Variants in DCHS2 observed in about 807,000 individuals in gnomAD.
The protein encoded by DCHS2 is dachsous cadherin-related 2.
In DCHS2, 142 loss-of-function variants were observed where a neutral mutation model predicts 182.4. That is an observed-to-expected ratio of 0.78 (90% CI 0.68 to 0.89). DCHS2 has a LOEUF of 0.89. Ranked by LOEUF, DCHS2 falls within the 40% of genes least tolerant of loss-of-function variation. The pLI is 0.00. For synonymous variants in DCHS2, 1,740 were observed against 1,663.3 expected (o/e 1.05, Z -1.12); for missense variants, 4,319 against 4,198.6 (o/e 1.03, Z -0.79).
Position 154,390,502 on chromosome 4 carries a change from TCA to T in DCHS2, c.2053-13060_2053-13059del, listed in dbSNP as rs377605285. On this transcript the variant is annotated intron_variant, in intron 1 of 19. Coordinates refer to ENST00000357232, the MANE Select transcript of DCHS2 (RefSeq NM_001358235.2). ...CCTCACTTTTATATCACTAAGTCAT[TCA>T]CACACACACACACACACCCACACAT... Among the ~76,000 whole-genome samples the T allele has an allele frequency of 4.2e-4, 62 of 148,146 alleles. 1 individual carries two copies. The South Asian group carries it at 6.8e-3, about 16-fold the overall frequency.
chr4:154,463,318 A>G (rs966080439), intron 1 of DCHS2, among the ~76,000 whole-genome samples: 2 of 152,058 alleles, frequency 1.3e-5, no homozygotes, highest in African/African-American at 4.8e-5. Flanking sequence ...TTAAAAAATT[A>G]TATAGGCTTT....
In DCHS2 at chr4:154,332,564, G is replaced by A. The variant is rs778832347; in HGVS notation, c.3644C>T (p.Ala1215Val). ...VPQGVIGKIT[A>V]IDMDSGKNGQ... ...ATTCTTTCCAGAGTCCATGTCAATA[G>A]CTGTAATTTTGCCTATTACCCCTTG... The change falls in exon 5 of 20, where the codon GCT (alanine) becomes GTT (valine). Residue 1215 changes from alanine to valine, a missense_variant. Coordinates refer to ENST00000357232, the MANE Select transcript of DCHS2 (RefSeq NM_001358235.2). The A allele has an allele frequency of 6.2e-7, 1 of 1,614,100 alleles. No individual in the cohort carries two copies. The highest frequency in any genetic ancestry group is 1.1e-5 in the South Asian group (1 of 91,070).
intron 13 of DCHS2, among the ~76,000 whole-genome samples, chr4:154,272,797 A>G (rs1733660254): frequency 6.6e-6 from 1 of 152,184 alleles, no homozygotes; most frequent in Non-Finnish European, 1.5e-5. Flanking sequence ...TTTAAATTGT[A>G]GCCATCCTAG....
intron 2 of DCHS2, among the ~76,000 whole-genome samples, chr4:154,374,975 C>T (rs1730821000): frequency 1.3e-5 from 2 of 151,910 alleles, no homozygotes; most frequent in South Asian, 4.2e-4. Flanking sequence ...TGTAAATGGT[C>T]AAGAATAGTC....
At chr4:154,357,912 C>T (rs1322537685) in intron 3 of DCHS2, among the ~76,000 whole-genome samples, 1 of 152,102 alleles carries the variant, frequency 6.6e-6, no homozygotes, top group Non-Finnish European at 1.5e-5. Flanking sequence ...TCAGTCTTTC[C>T]TTTCTTCAGA....
At position 154,377,395 on chromosome 4, in the gene DCHS2, G is replaced by A. The variant is rs949913153; in HGVS notation, c.2102C>T (p.Ser701Phe). The A allele has an allele frequency of 2.5e-6, 4 of 1,613,358 alleles. No individual in the cohort carries two copies. In the African/African-American group the frequency reaches 5.3e-5, roughly 22 times the overall value. The change falls in exon 2 of 20, where the codon TCT (serine) becomes TTT (phenylalanine). Residue 701 changes from serine to phenylalanine, a missense_variant. Ser to Phe is a radical substitution (Grantham distance 155). Coordinates refer to ENST00000357232, the MANE Select transcript of DCHS2 (RefSeq NM_001358235.2). The stretch of plus-strand genomic sequence containing the variant: ...ATAGCTCAGGAATCCATCATAAAGA[G>A]AATATTCAATAAAGCCATAGAGTCC... ...DSGLYGFIEYSLYDGFLSYEA... is the reference protein window; with the variant it reads ...DSGLYGFIEYFLYDGFLSYEA...
At chr4:154,243,767 A>G (rs1731947591) in intron 16 of DCHS2, among the ~76,000 whole-genome samples, 1 of 152,174 alleles carries the variant, frequency 6.6e-6, no homozygotes, top group African/African-American at 2.4e-5. Flanking sequence ...TTTACCTGGA[A>G]TGCTCTATAT....
chr4:154,381,057 C>T (rs555598453), intron 1 of DCHS2, among the ~76,000 whole-genome samples: 2 of 152,224 alleles, frequency 1.3e-5, no homozygotes, highest in African/African-American at 4.8e-5. Context: ...ACCTGGCCAA[C>T]TCCATTATCG....
intron 1 of DCHS2, among the ~76,000 whole-genome samples, chr4:154,428,839 G>T (rs529138713): frequency 7.9e-5 from 12 of 152,166 alleles, no homozygotes; most frequent in Non-Finnish European, 1.8e-4. Context: ...GGAGGTGGAG[G>T]TTGCAGAGAG....
intron 1 of DCHS2, among the ~76,000 whole-genome samples, chr4:154,457,242 C>G (rs1388792150): frequency 6.6e-6 from 1 of 152,186 alleles, no homozygotes; most frequent in Non-Finnish European, 1.5e-5. Context: ...CATCTACTAA[C>G]CTCATGCCCT....
intron 1 of DCHS2, among the ~76,000 whole-genome samples, chr4:154,448,125 T>C (rs1424121421): frequency 6.6e-6 from 1 of 152,166 alleles, no homozygotes; most frequent in Non-Finnish European, 1.5e-5. Flanking sequence ...GCTTCCGCAT[T>C]CCCTCTTCCA....
intron 7 of DCHS2, 93 bp from the exon 8 acceptor site, chr4:154,322,581 T>A: frequency 7.1e-7 from 1 of 1,400,752 alleles, no homozygotes; most frequent in East Asian, 2.6e-5. Flanking sequence ...TTTGGAAGAT[T>A]TGTTTGCTTT....
rs1156896830 is a variant in DCHS2, at chr4:154,304,783, C to A, written c.5491G>T (p.Val1831Phe). Residue 1831 changes from valine (V) to phenylalanine (F), a missense_variant, in exon 12 of 20, where the codon GTT becomes TTT. Val to Phe is a conservative substitution (Grantham distance 50). Transcript: ENST00000357232. The part of the protein sequence containing the change: ...DENDHAPEFI[V>F]SSYDIEVLEN... ...AGAACCTCAATGTCATAACTGGAAA[C>A]AATAAACTCTGGTGCGTGATCGTTT... 1.2e-6 allele frequency: 2 copies of A among 1,613,924 alleles called. No individual in the cohort carries two copies. Among genetic ancestry groups the A allele is most frequent in the Admixed American group, 1.7e-5 (1 of 60,000 alleles).
intron 1 of DCHS2, among the ~76,000 whole-genome samples, chr4:154,488,304 CA>C (rs1219777413): frequency 2.0e-5 from 3 of 152,024 alleles, no homozygotes; most frequent in Non-Finnish European, 4.4e-5. Flanking sequence ...GCAAAACACC[CA>C]AATCAAAAAG....
At position 154,298,394 on chromosome 4, in the gene DCHS2, C is replaced by T; in HGVS notation, c.5920G>A (p.Asp1974Asn). 6.2e-7 allele frequency: 1 copy of T among 1,614,200 alleles called. No homozygotes were observed. The highest frequency in any genetic ancestry group is 8.5e-7 in the Non-Finnish European group (1 of 1,180,022). ...ATGGTGAATGCACCAGAAGCCTCAT[C>T]AGTCAGAAAATACTCAGTTTGCCCA... Reference protein sequence around the residue: ...LNGQTEYFLTDEASGAFTIDP... With the variant: ...LNGQTEYFLTNEASGAFTIDP... Residue 1974 changes from aspartate (D) to asparagine (N), a missense_variant, in exon 13 of 20, where the codon GAT becomes AAT. Transcript: ENST00000357232.
intron 1 of DCHS2, chr4:154,486,520 G>A: frequency 7.7e-7 from 1 of 1,304,442 alleles, no homozygotes; most frequent in Non-Finnish European, 1.0e-6. Context: ...GCAGATATAA[G>A]CTGTAAAAGA....
chr4:154,258,328 A>T (rs1410279618), intron 15 of DCHS2, among the ~76,000 whole-genome samples: 14 of 138,534 alleles, frequency 1.0e-4, no homozygotes, highest in Admixed American at 1.0e-3. Flanking sequence ...AACAGCATGG[A>T]TATGTGCTTC....
At chr4:154,338,955 T>C (rs1728940521) in intron 3 of DCHS2, among the ~76,000 whole-genome samples, 1 of 152,210 alleles carries the variant, frequency 6.6e-6, no homozygotes, top group Non-Finnish European at 1.5e-5. Flanking sequence ...CTATAGATCT[T>C]ATATCTCTCA....
chr4:154,483,552 T>C (rs1322449809), intron 1 of DCHS2, among the ~76,000 whole-genome samples: 2 of 152,158 alleles, frequency 1.3e-5, no homozygotes, highest in East Asian at 3.8e-4. Flanking sequence ...CAGGCTTTCA[T>C]TGTCTTCACT....
Sources: allele counts gnomAD v4.1 joint callset (sites outside exome capture counted in the v4.1 genomes callset), GRCh38; gene constraint gnomAD v4.1.1; transcripts MANE v1.5; gene names NCBI Gene and HGNC (gene_info 2026-07-23, HGNC 2026-07-21).